Variants in TNXB observed in about 807,000 individuals in gnomAD.
TNXB encodes tenascin XB.
Under a neutral mutation model 340.5 loss-of-function variants are expected in TNXB, and 183 were observed. That is an observed-to-expected ratio of 0.54 (90% CI 0.48 to 0.61). The LOEUF (loss-of-function observed/expected upper bound fraction) is 0.61, where lower values mean the gene tolerates loss of function less well. TNXB is among the 20% of genes least tolerant of loss of function. The probability of loss-of-function intolerance (pLI) is 0.00; values close to 1 mark genes in which losing one functional copy is unlikely to be tolerated. For missense variants in TNXB, 4,613 were observed against 5,446.4 expected (o/e 0.85, Z 4.82); for synonymous variants, 2,121 against 2,314.5 (o/e 0.92, Z 2.40).
rs764219290 is a variant in TNXB at position 32,046,335 on chromosome 6, C to T, written c.10446G>A (p.Gln3482=). The T allele has an allele frequency of 6.2e-7, 1 of 1,606,012 alleles. No individual in the cohort carries two copies. The highest frequency in any genetic ancestry group is 8.5e-7 in the Non-Finnish European group (1 of 1,177,760). ...AQGPFDSFVV[Q]YRDTDGQPRA... ...TGGGCTGCCCGTCCGTGTCCCTGTA[C>T]TGGACCACGAAGGAGTCAAAGGGGC... The change falls in exon 31 of 44, where the codon CAG becomes CAA. Residue 3482 remains glutamine (Q), a synonymous_variant. Transcript: ENST00000644971. The surrounding 1 kb of genome is among the most constrained non-coding windows in gnomAD (Gnocchi z 6.9).
chr6:32,087,872 C>A lies in TNXB; in HGVS notation c.2779+913G>T. 1 of 423,506 alleles carries A rather than the reference C, an allele frequency of 2.4e-6. No individual in the cohort carries two copies. The highest frequency in any genetic ancestry group is 4.7e-6 in the Non-Finnish European group (1 of 214,818). 26.2% of individuals were successfully genotyped at this position (423,506 alleles called of 1,614,324 possible). On this transcript the variant is annotated intron_variant, in intron 6 of 43. Transcript: ENST00000644971. This position sits in a 1 kb window ranked among gnomAD's most constrained non-coding sequence, Gnocchi z 9.0. ...CTGGGCGGGGACTCCTCCTCCCTTT[C>A]CTCTGCTGGCCTCGAGGGCCAAGGG...
intron 1 of TNXB, among the ~76,000 whole-genome samples, chr6:32,104,905 G>A (rs971470530): frequency 2.6e-5 from 4 of 152,120 alleles, no homozygotes; most frequent in Non-Finnish European, 5.9e-5. Context: ...CCAATGTGCT[G>A]GGATTACAGG....
Position 32,046,044 on chromosome 6 carries a change from C to T in TNXB, c.10606+131G>A, listed in dbSNP as rs1776843494. Reference sequence around the variant, plus strand: ...AAGCCCACAGGGCTGCAGACTCCTCCTCCTTCCTGGGGACAGGCCAGGGCG... The same window carrying T: ...AAGCCCACAGGGCTGCAGACTCCTCTTCCTTCCTGGGGACAGGCCAGGGCG... On this transcript the variant is annotated intron_variant, in intron 31 of 43. Coordinates refer to ENST00000644971, the MANE Select transcript of TNXB (RefSeq NM_001365276.2). The surrounding 1 kb of genome is among the most constrained non-coding windows in gnomAD (Gnocchi z 6.9). 3 of 1,433,706 alleles carry T rather than the reference C, an allele frequency of 2.1e-6. No homozygotes were observed. Among genetic ancestry groups the T allele is most frequent in the African/African-American group, 2.9e-5 (2 of 70,120 alleles). The allele number at this position is 1,433,706 out of a possible 1,614,324, so 88.8% of individuals were successfully genotyped here. A position where few individuals can be genotyped will look rare whatever the true frequency, so the allele number is the denominator to read the frequency against.
At position 32,047,727 on chromosome 6, in the gene TNXB, G is replaced by T; in HGVS notation, c.10324+7C>A. The T allele has an allele frequency of 6.3e-7, 1 of 1,587,188 alleles. No homozygotes were observed. Among genetic ancestry groups the T allele is most frequent in the South Asian group, 1.1e-5 (1 of 88,422 alleles). ...CTGGAAAAGGTGGAGGCTGGACTGG[G>T]ACTCACCTGTGGTGCTGTCAGCAGA... is the stretch of plus-strand genomic sequence containing the variant. On this transcript the variant is annotated splice_region_variant and intron_variant, in intron 30 of 43. Coordinates refer to ENST00000644971, the MANE Select transcript of TNXB (RefSeq NM_001365276.2). The surrounding 1 kb of genome is among the most constrained non-coding windows in gnomAD (Gnocchi z 6.2).
At position 32,062,239 on chromosome 6, in the gene TNXB, C is replaced by T. The variant is rs1582388626; in HGVS notation, c.7086G>A (p.Glu2362=). 6.2e-7 allele frequency: 1 copy of T among 1,613,300 alleles called. No homozygotes were observed. The highest frequency in any genetic ancestry group is 2.2e-5 in the East Asian group (1 of 44,880). Residue 2362 remains glutamate, a synonymous_variant, in exon 20 of 44, where the codon GAG becomes GAA. Transcript: ENST00000644971. The surrounding 1 kb of genome is among the most constrained non-coding windows in gnomAD (Gnocchi z 4.3). ...HEDRVTISGL[E]PDNKYKMNLY... Reference sequence around the variant, plus strand: ...GGTTCATCTTGTACTTGTTGTCTGGCTCCAGGCCGGAGATGGTGACCCTGT... The same window carrying T: ...GGTTCATCTTGTACTTGTTGTCTGGTTCCAGGCCGGAGATGGTGACCCTGT...
At chr6:32,104,097 G>T (rs529378021) in intron 1 of TNXB, among the ~76,000 whole-genome samples, 1 of 152,100 alleles carries the variant, frequency 6.6e-6, no homozygotes, top group Non-Finnish European at 1.5e-5. Context: ...ATGAGGCTCT[G>T]CAACACTTGA....
intron 21 of TNXB, among the ~76,000 whole-genome samples, chr6:32,059,030 G>A (rs1777854210): frequency 6.6e-6 from 1 of 151,856 alleles, no homozygotes; most frequent in East Asian, 1.9e-4. Context: ...CGGCAGCTGG[G>A]GGAGAAAGTA....
Position 32,082,059 on chromosome 6 carries a change from G to A in TNXB, c.3713C>T (p.Pro1238Leu), listed in dbSNP as rs1214157253. The A allele has an allele frequency of 6.2e-7, 1 of 1,606,850 alleles. No homozygotes were observed. Reference sequence around the variant, plus strand: ...ACCAGTGGTGCCATCGGCCGTGAGGGGGCCATACCGCTTCTTGTTCGCAAT... The same window carrying A: ...ACCAGTGGTGCCATCGGCCGTGAGGAGGCCATACCGCTTCTTGTTCGCAAT... ...FGIANKKRYG[P>L]LTADGTTAPE... The change falls in exon 9 of 44, where the codon CCC becomes CTC. Residue 1238 changes from proline (P) to leucine (L), a missense_variant. Coordinates refer to ENST00000644971, the MANE Select transcript of TNXB (RefSeq NM_001365276.2). This position sits in a 1 kb window ranked among gnomAD's most constrained non-coding sequence, Gnocchi z 5.0.
intron 1 of TNXB, among the ~76,000 whole-genome samples, chr6:32,104,917 G>T (rs542481489): frequency 1.3e-5 from 2 of 152,076 alleles, no homozygotes; most frequent in African/African-American, 4.8e-5. Context: ...GATTACAGGC[G>T]TGAGCCACTG....
Position 32,096,698 on chromosome 6 carries a change from G to A in TNXB, c.1155C>T (p.Asp385=). 1.9e-6 allele frequency: 3 copies of A among 1,545,014 alleles called. No individual in the cohort carries two copies. Among genetic ancestry groups the A allele is most frequent in the South Asian group, 2.4e-5 (2 of 83,936 alleles). The change falls in exon 3 of 44, where the codon GAC becomes GAT. Residue 385 remains aspartate, a synonymous_variant. Coordinates refer to ENST00000644971, the MANE Select transcript of TNXB (RefSeq NM_001365276.2). The part of the protein sequence containing the change: ...RDCRGRGRCE[D]GECICDTGYS... ...AGCCCGTGTCGCAAATGCATTCGCCGTCCTCGCAGCGCCCGCGGCCCCGGC... is the reference window on the plus strand; with the variant it reads ...AGCCCGTGTCGCAAATGCATTCGCCATCCTCGCAGCGCCCGCGGCCCCGGC...
rs1480676386 is a variant in TNXB, at chr6:32,053,596, G to A, written c.8583C>T (p.Ser2861=). The part of the protein sequence containing the change: ...TVTDATPDSL[S]LSWMVPEGQF... ...GGCCCTCGGGGACCATCCAGGACAG[G>A]CTGAGGGAGTCAGGGGTGGCATCTG... The change falls in exon 25 of 44, where the codon AGC becomes AGT. Residue 2861 remains serine (S), a synonymous_variant. Transcript: ENST00000644971. 6.2e-7 allele frequency: 1 copy of A among 1,613,666 alleles called. No individual in the cohort carries two copies. The highest frequency in any genetic ancestry group is 1.3e-5 in the African/African-American group (1 of 75,028).
rs764873579 is a variant in TNXB at position 32,043,568 on chromosome 6, G to A, written c.11531-12C>T. The A allele has an allele frequency of 9.4e-6, 10 of 1,065,478 alleles. No individual in the cohort carries two copies. In the East Asian group the frequency reaches 2.4e-4, roughly 26 times the overall value. 66.0% of individuals were successfully genotyped at this position (1,065,478 alleles called of 1,614,324 possible). A position where few individuals can be genotyped will look rare whatever the true frequency, so the allele number is the denominator to read the frequency against. On this transcript the variant is annotated splice_polypyrimidine_tract_variant and intron_variant, in intron 35 of 43. Coordinates refer to ENST00000644971, the MANE Select transcript of TNXB (RefSeq NM_001365276.2). The stretch of plus-strand genomic sequence containing the variant: ...GGGACCGTCAGGAACTGGGGGAAGG[G>A]GAGGGGCTCAGAAGGGTCCCCGCGG...
Position 32,097,227 on chromosome 6 carries a change from G to A in TNXB, c.626C>T (p.Thr209Ile), listed in dbSNP as rs1340073903. 1 of 1,602,686 alleles carries A rather than the reference G, an allele frequency of 6.2e-7. No homozygotes were observed. The highest frequency in any genetic ancestry group is 1.1e-5 in the South Asian group (1 of 89,476). ...GGATGGCCAGCCACAGCTGGGGCCA[G>A]TGTAGCCGGGAAAGCACACGCAACG... is the stretch of plus-strand genomic sequence containing the variant. ...RGRCVCFPGY[T>I]GPSCGWPSCP... is the part of the protein sequence containing the mutation. The change falls in exon 3 of 44, where the codon ACT becomes ATT. Residue 209 changes from threonine (T) to isoleucine (I), a missense_variant. Thr to Ile is a moderately conservative substitution (Grantham distance 89, BLOSUM62 -1). Coordinates refer to ENST00000644971, the MANE Select transcript of TNXB (RefSeq NM_001365276.2). This position sits in a 1 kb window ranked among gnomAD's most constrained non-coding sequence, Gnocchi z 5.9.
At position 32,049,917 on chromosome 6, in the gene TNXB, C is replaced by A; in HGVS notation, c.9439+81G>T. 6.3e-7 allele frequency: 1 copy of A among 1,595,540 alleles called. No individual in the cohort carries two copies. Among genetic ancestry groups the A allele is most frequent in the East Asian group, 2.2e-5 (1 of 44,572 alleles). On this transcript the variant is annotated intron_variant, in intron 27 of 43. Transcript: ENST00000644971. This position sits in a 1 kb window ranked among gnomAD's most constrained non-coding sequence, Gnocchi z 4.5. ...CTGTGGTGCTGACCAGACCCCTGTC[C>A]CATTCCCCACCAGTCATCACCAAAG...
In TNXB at chr6:32,073,329, T is replaced by G; in HGVS notation, c.4681+318A>C. Among the ~76,000 whole-genome samples the G allele has an allele frequency of 6.6e-6, 1 of 150,894 alleles. No individual in the cohort carries two copies. The highest frequency in any genetic ancestry group is 2.4e-5 in the African/African-American group (1 of 40,936). On this transcript the variant is annotated intron_variant, in intron 12 of 43. Coordinates refer to ENST00000644971, the MANE Select transcript of TNXB (RefSeq NM_001365276.2). This position sits in a 1 kb window ranked among gnomAD's most constrained non-coding sequence, Gnocchi z 4.6. Reference sequence around the variant, plus strand: ...ACAGCAGGGTTGTAAAGAGAAGGGGTGGAAACAGCTGTGGGCAGTCGGAGA... The same window carrying G: ...ACAGCAGGGTTGTAAAGAGAAGGGGGGGAAACAGCTGTGGGCAGTCGGAGA...
chr6:32,092,423 A>G (rs1372461332), intron 4 of TNXB, among the ~76,000 whole-genome samples: 1 of 152,186 alleles, frequency 6.6e-6, no homozygotes. Context: ...GCTTTGAGAG[A>G]GAAGTGCTTC....
chr6:32,061,974 C>T lies in TNXB; in HGVS notation c.7168+183G>A, dbSNP rs538057735. Among the ~76,000 whole-genome samples, 82 of 152,294 alleles carry T rather than the reference C, an allele frequency of 5.4e-4. No individual in the cohort carries two copies. Among genetic ancestry groups the T allele is most frequent in the African/African-American group, 1.9e-3 (80 of 41,554 alleles). On this transcript the variant is annotated intron_variant, in intron 20 of 43. Coordinates refer to ENST00000644971, the MANE Select transcript of TNXB (RefSeq NM_001365276.2). This position sits in a 1 kb window ranked among gnomAD's most constrained non-coding sequence, Gnocchi z 4.4. ...CAGCACAGCAAAACTCCCAATGGCCCCTCCCTGCTCAGGGGGAGCCAGGGG... is the reference window on the plus strand; with the variant it reads ...CAGCACAGCAAAACTCCCAATGGCCTCTCCCTGCTCAGGGGGAGCCAGGGG...
chr6:32,082,159 C>T lies in TNXB; in HGVS notation c.3613G>A (p.Val1205Met), dbSNP rs766971902. The T allele has an allele frequency of 6.2e-7, 1 of 1,612,506 alleles. No homozygotes were observed. Among genetic ancestry groups the T allele is most frequent in the Non-Finnish European group, 8.5e-7 (1 of 1,179,594 alleles). ...ACAAATGAACGCTCGGGCCCTTCCA[C>T]AGGTACCACCTGGGGCCGTCCATCC... ...DRDGRPQVVP[V>M]EGPERSFVVS... The change falls in exon 9 of 44, where the codon GTG (valine) becomes ATG (methionine). Residue 1205 changes from valine (V) to methionine (M), a missense_variant. By Grantham distance (21) the Val-to-Met change is conservative. Coordinates refer to ENST00000644971, the MANE Select transcript of TNXB (RefSeq NM_001365276.2). This position sits in a 1 kb window ranked among gnomAD's most constrained non-coding sequence, Gnocchi z 5.0.
Position 32,058,194 on chromosome 6 carries a change from G to A in TNXB, c.7689C>T (p.Pro2563=). The part of the protein sequence containing the change: ...TVQYKDRDGR[P]QAVRVGGQES... ...CCTGGCCCCCAACACGCACCGCCTGGGGCCGCCCGTCCCTGTCCTTGTACT... is the reference window on the plus strand; with the variant it reads ...CCTGGCCCCCAACACGCACCGCCTGAGGCCGCCCGTCCCTGTCCTTGTACT... Residue 2563 remains proline, a synonymous_variant, in exon 22 of 44, where the codon CCC becomes CCT. Coordinates refer to ENST00000644971, the MANE Select transcript of TNXB (RefSeq NM_001365276.2). This position sits in a 1 kb window ranked among gnomAD's most constrained non-coding sequence, Gnocchi z 5.1. The A allele has an allele frequency of 6.2e-7, 1 of 1,612,412 alleles. No homozygotes were observed. The highest frequency in any genetic ancestry group is 2.2e-5 in the East Asian group (1 of 44,866).
Sources: allele counts gnomAD v4.1 joint callset (sites outside exome capture counted in the v4.1 genomes callset), GRCh38; gene constraint gnomAD v4.1.1; non-coding constraint Gnocchi (gnomAD v3.1); transcripts MANE v1.5; gene names NCBI Gene and HGNC (gene_info 2026-07-23, HGNC 2026-07-21).